GLG1: variants seen among roughly 807,000 people sequenced by gnomAD.
GLG1 encodes golgi glycoprotein 1.
A neutral mutation model predicts 160.5 loss-of-function variants in GLG1; 38 were observed. The observed-to-expected ratio is 0.24, with a 90% CI of 0.18 to 0.31. The LOEUF (loss-of-function observed/expected upper bound fraction) is 0.31, where lower values mean the gene tolerates loss of function less well. Among genes scored for constraint, GLG1 ranks in the 10% least tolerant of loss-of-function variants. The pLI is 1.00. For missense variants in GLG1, 1,373 were observed against 1,505.2 expected (o/e 0.91, Z 1.45); for synonymous variants, 644 against 543.4 (o/e 1.19, Z -2.57).
At chr16:74,572,169 A>G (rs994463288) in intron 1 of GLG1, among the ~76,000 whole-genome samples, 2 of 152,196 alleles carry the variant, frequency 1.3e-5, no homozygotes, top group Non-Finnish European at 1.5e-5. Flanking sequence ...CTGAAGGTTA[A>G]GTTGATCACC....
At chr16:74,502,722 GTTTTTTTTT>G (rs745410150) in intron 4 of GLG1, among the ~76,000 whole-genome samples, 4 of 109,574 alleles carry the variant, frequency 3.7e-5, no homozygotes, top group East Asian at 2.7e-4. Context: ...TTTGTTTTTG[GTTTTTTTTT>G]TTTTTTTTTT....
chr16:74,512,054 T>C (rs1181049023), intron 2 of GLG1, among the ~76,000 whole-genome samples: 2 of 152,050 alleles, frequency 1.3e-5, no homozygotes, highest in African/African-American at 2.4e-5. Flanking sequence ...TGCCTAATTA[T>C]AGAACATTAT....
chr16:74,460,862 G>A (rs970172996), intron 22 of GLG1, among the ~76,000 whole-genome samples: 3 of 152,172 alleles, frequency 2.0e-5, no homozygotes, highest in South Asian at 2.1e-4. Flanking sequence ...AATCAAATAC[G>A]AAAAGCAAAC....
chr16:74,575,006 CGGGGGGGGGG>C lies in GLG1; in HGVS notation c.438+31641_438+31650del, dbSNP rs765772462. On this transcript the variant is annotated intron_variant, in intron 1 of 25. Coordinates refer to ENST00000422840, the MANE Select transcript of GLG1 (RefSeq NM_001145667.2). ...CTGTAATCCTAGCACTTTGGGAGGC[CGGGGGGGGGG>C]GGGGGGCGGATCACGAGGTCAAGAG... is the stretch of plus-strand genomic sequence containing the variant. Among the ~76,000 whole-genome samples, 11 of 3,748 alleles carry C rather than the reference CGGGGGGGGGG, an allele frequency of 2.9e-3. 3 individuals carry two copies. The East Asian group carries it at 0.049, about 17-fold the overall frequency. 2.5% of individuals were successfully genotyped at this position (3,748 alleles called of 152,430 possible).
chr16:74,497,477 G>A (rs1252453135), intron 4 of GLG1, among the ~76,000 whole-genome samples: 35 of 120,494 alleles, frequency 2.9e-4, no homozygotes, highest in Non-Finnish European at 9.7e-5. Flanking sequence ...TCGCTCTTTC[G>A]CCCAGGCTGG....
intron 1 of GLG1, among the ~76,000 whole-genome samples, chr16:74,535,705 G>T (rs2017669284): frequency 6.6e-6 from 1 of 152,192 alleles, no homozygotes. Context: ...AAAGTGCTGG[G>T]ACTGCAGGCA....
Position 74,520,971 on chromosome 16 carries a change from T to A in GLG1, c.471+11150A>T, listed in dbSNP as rs1197456696. On this transcript the variant is annotated intron_variant, in intron 2 of 25. Transcript: ENST00000422840. Reference sequence around the variant, plus strand: ...GAAAGAGAGAAAGATAAGGCACAAATTATCAAGTAAATGTGTCAGGTGATA... The same window carrying A: ...GAAAGAGAGAAAGATAAGGCACAAAATATCAAGTAAATGTGTCAGGTGATA... Among the ~76,000 whole-genome samples, 3 of 152,222 alleles carry A rather than the reference T, an allele frequency of 2.0e-5. No homozygotes were observed. In the East Asian group the frequency reaches 5.8e-4, roughly 29 times the overall value.
chr16:74,603,169 T>C (rs138924432), intron 1 of GLG1, among the ~76,000 whole-genome samples: 2,938 of 152,126 alleles, frequency 0.019, 41 homozygotes, highest in Non-Finnish European at 0.028. Flanking sequence ...CCCAGCACTT[T>C]GGGAGACCAA....
chr16:74,485,025 C>CA (rs2015742423), intron 9 of GLG1, among the ~76,000 whole-genome samples: 1 of 152,010 alleles, frequency 6.6e-6, no homozygotes, highest in African/African-American at 2.4e-5. Context: ...GCAATCTTCC[C>CA]ACATCAACCT....
rs775514965 is a variant in GLG1, at chr16:74,453,218, C to G, written c.3489G>C (p.Leu1163=). 1.9e-6 allele frequency: 3 copies of G among 1,614,108 alleles called. No individual in the cohort carries two copies. The highest frequency in any genetic ancestry group is 1.7e-6 in the Non-Finnish European group (2 of 1,179,974). The part of the protein sequence containing the change: ...GSICILFLIG[L]MCGRITKRVT... ...CTCGCTTGGTGATCCGTCCACACAT[C>G]AGGCCAATCAGGAACAATATACAGA... is the stretch of plus-strand genomic sequence containing the variant. The change falls in exon 26 of 26, where the codon CTG becomes CTC. Residue 1163 remains leucine (L), a synonymous_variant. Coordinates refer to ENST00000422840, the MANE Select transcript of GLG1 (RefSeq NM_001145667.2).
chr16:74,604,533 G>C (rs1225131263), intron 1 of GLG1, among the ~76,000 whole-genome samples: 1 of 152,226 alleles, frequency 6.6e-6, no homozygotes, highest in Non-Finnish European at 1.5e-5. Context: ...ATAGGAAAAT[G>C]TTCCCTGCAT....
chr16:74,529,169 G>A lies in GLG1; in HGVS notation c.471+2952C>T, dbSNP rs192242472. ...TTTAGTAGATATGGGGTTTTTTACC[G>A]TGTTGAACAGGCTGGTCTCGAACTC... On this transcript the variant is annotated intron_variant, in intron 2 of 25. Coordinates refer to ENST00000422840, the MANE Select transcript of GLG1 (RefSeq NM_001145667.2). Among the ~76,000 whole-genome samples the A allele has an allele frequency of 7.2e-5, 11 of 151,920 alleles. No homozygotes were observed. In the East Asian group the frequency reaches 7.8e-4, roughly 11 times the overall value.
At chr16:74,530,998 T>C (rs942757138) in intron 2 of GLG1, among the ~76,000 whole-genome samples, 1 of 152,240 alleles carries the variant, frequency 6.6e-6, no homozygotes, top group African/African-American at 2.4e-5. Context: ...TTCATCTGCA[T>C]TGTGAATACT....
At chr16:74,529,653 G>A (rs891666013) in intron 2 of GLG1, among the ~76,000 whole-genome samples, 10 of 151,576 alleles carry the variant, frequency 6.6e-5, no homozygotes, top group South Asian at 2.1e-4. Flanking sequence ...CATTATGAAT[G>A]GCTATATTAT....
Position 74,572,519 on chromosome 16 carries a change from A to C in GLG1, c.438+34138T>G, listed in dbSNP as rs113641800. Among the ~76,000 whole-genome samples the C allele has an allele frequency of 1.2e-3, 170 of 147,266 alleles. 2 individuals carry two copies. The highest frequency in any genetic ancestry group is 4.5e-3 in the Admixed American group (67 of 14,780). The stretch of plus-strand genomic sequence containing the variant: ...CAGAGTGAGACTCTGTCTCAAAAAA[A>C]AAACAAACAAAAAAAAAAAAACACA... On this transcript the variant is annotated intron_variant, in intron 1 of 25. Transcript: ENST00000422840.
chr16:74,481,435 A>T (rs545822569), intron 10 of GLG1, among the ~76,000 whole-genome samples: 2 of 152,308 alleles, frequency 1.3e-5, no homozygotes, highest in African/African-American at 4.8e-5. Context: ...AACTATTAAG[A>T]ACTAATATTT....
chr16:74,580,449 T>C (rs983230071), intron 1 of GLG1, among the ~76,000 whole-genome samples: 3 of 152,100 alleles, frequency 2.0e-5, no homozygotes, highest in African/African-American at 7.2e-5. Flanking sequence ...CAGTAAGCCA[T>C]ATTCACGCCA....
intron 1 of GLG1, among the ~76,000 whole-genome samples, chr16:74,600,254 G>C (rs138973987): frequency 1.3e-5 from 2 of 152,002 alleles, no homozygotes; most frequent in African/African-American, 2.4e-5. Context: ...ACAAGGCTAA[G>C]TGGTGTTGTG....
chr16:74,591,678 G>A (rs965160312), intron 1 of GLG1, among the ~76,000 whole-genome samples: 8 of 152,046 alleles, frequency 5.3e-5, no homozygotes, highest in Admixed American at 2.0e-4. Context: ...TGTCCTTAAC[G>A]TATGGCTAAG....
Sources: gnomAD v4.1 joint callset for allele counts (sites outside exome capture counted in the v4.1 genomes callset) on GRCh38, gnomAD v4.1.1 for gene constraint, MANE v1.5 for transcripts, NCBI Gene and HGNC (gene_info 2026-07-23, HGNC 2026-07-21) for gene names.